PCDHA12: variants seen among roughly 807,000 people sequenced by gnomAD.
PCDHA12 encodes protocadherin alpha-12.
Under a neutral mutation model 60.0 loss-of-function variants are expected in PCDHA12, and 44 were observed. That is an observed-to-expected ratio of 0.73 (90% confidence interval 0.58 to 0.94). The LOEUF (loss-of-function observed/expected upper bound fraction) is 0.94. Among genes scored for constraint, PCDHA12 ranks in the 40% least tolerant of loss-of-function variants. The pLI, the probability that PCDHA12 is intolerant of heterozygous loss-of-function variation, is 0.00. For synonymous variants in PCDHA12, 569 were observed against 553.0 expected, an observed-to-expected ratio of 1.03 and a Z score of -0.40; for missense variants, 1,276 against 1,239.7, an observed-to-expected ratio of 1.03 and a Z score of -0.44.
chr5:141,000,413 A>T (rs1563651324), intron 3 of PCDHA12, among the ~76,000 whole-genome samples: 4 of 93,212 alleles, frequency 4.3e-5, no homozygotes, highest in African/African-American at 1.8e-4. Flanking sequence ...ATATATATAT[A>T]TATATATATT....
intron 1 of PCDHA12, chr5:140,930,064 C>G (rs2153602971): frequency 6.6e-6 from 1 of 152,306 alleles, no homozygotes; most frequent in Non-Finnish European, 1.5e-5. Context: ...TACACAAAAA[C>G]TGTAAGCCTC....
intron 1 of PCDHA12, among the ~76,000 whole-genome samples, chr5:140,932,531 G>A (rs1379233805): frequency 4.6e-5 from 7 of 151,752 alleles, no homozygotes; most frequent in Non-Finnish European, 8.9e-5. Context: ...TGGCATTCAA[G>A]GTGCTTTATT....
At chr5:140,941,210 T>TCTTCCTTTCTTTCTTC (rs2092851427) in intron 1 of PCDHA12, among the ~76,000 whole-genome samples, 1 of 100,630 alleles carries the variant, frequency 9.9e-6, no homozygotes, top group South Asian at 2.9e-4. Context: ...TTCCTTTCTT[T>TCTTCCTTTCTTTCTTC]CTTCCTTTCT....
At position 140,988,717 on chromosome 5, in the gene PCDHA12, T is replaced by C. The variant is rs79402139; in HGVS notation, c.2515+6154T>C. Among the ~76,000 whole-genome samples, 1,208 of 152,334 alleles carry C rather than the reference T, an allele frequency of 7.9e-3. 20 individuals carry two copies. Among genetic ancestry groups the C allele is most frequent in the African/African-American group, 0.027 (1,139 of 41,566 alleles). On this transcript the variant is annotated intron_variant, in intron 3 of 3. Transcript: ENST00000398631. ...CTCTGTATTTTCTTGGACCTCTCATTTGCCCCATAGTAATTATTCTAGGAT... is the reference window on the plus strand; with the variant it reads ...CTCTGTATTTTCTTGGACCTCTCATCTGCCCCATAGTAATTATTCTAGGAT...
chr5:140,875,905 T>C lies in PCDHA12; in HGVS notation c.433T>C (p.Ser145Pro), dbSNP rs1554168057. The C allele has an allele frequency of 2.0e-5, 32 of 1,614,104 alleles. No homozygotes were observed. Among genetic ancestry groups the C allele is most frequent in the Non-Finnish European group, 1.6e-5 (19 of 1,180,032 alleles). The stretch of plus-strand genomic sequence containing the variant: ...GGAACAAAAGGTACCTGTTTCTGAA[T>C]CTGCGCCTCTGGACTCTCATTTTCC... Reference protein sequence around the residue: ...EREQKVPVSESAPLDSHFPLE... With the variant: ...EREQKVPVSEPAPLDSHFPLE... Residue 145 changes from serine (S) to proline (P), a missense_variant, in exon 1 of 4, where the codon TCT (serine) becomes CCT (proline). Transcript: ENST00000398631.
At position 140,940,270 on chromosome 5, in the gene PCDHA12, G is replaced by A. The variant is rs1236320412; in HGVS notation, c.2368-38679G>A. Among the ~76,000 whole-genome samples, 4 of 152,094 alleles carry A rather than the reference G, an allele frequency of 2.6e-5. No homozygotes were observed. In the East Asian group the frequency reaches 7.7e-4, roughly 29 times the overall value. ...TCCTCAATATCTTCTGGGTTCCACT[G>A]TTGTCTCATTGTGCTGCTTCATCAG... On this transcript the variant is annotated intron_variant, in intron 1 of 3. Transcript: ENST00000398631.
chr5:140,921,165 A>G (rs959305878), intron 1 of PCDHA12, among the ~76,000 whole-genome samples: 1 of 151,798 alleles, frequency 6.6e-6, no homozygotes, highest in Admixed American at 6.6e-5. Context: ...TTTTTTTAAC[A>G]CACATAAAGC....
rs537764090 is a variant in PCDHA12 at position 140,925,273 on chromosome 5, AT to A, written c.2367+47438del. Reference sequence around the variant, plus strand: ...ACTTTAATTCTTGATCTGTGTTCAGATTTTGCCTTTCAAATGTTTCATTATT... The same window carrying A: ...ACTTTAATTCTTGATCTGTGTTCAGATTTGCCTTTCAAATGTTTCATTATT... On this transcript the variant is annotated intron_variant, in intron 1 of 3. Transcript: ENST00000398631. Among the ~76,000 whole-genome samples, 1,221 of 152,228 alleles carry A rather than the reference AT, an allele frequency of 8.0e-3. 6 individuals are homozygous for A. Among genetic ancestry groups the A allele is most frequent in the African/African-American group, 0.019 (789 of 41,534 alleles).
At chr5:140,975,068 C>G (rs1273763502) in intron 1 of PCDHA12, among the ~76,000 whole-genome samples, 2 of 152,134 alleles carry the variant, frequency 1.3e-5, no homozygotes, top group Non-Finnish European at 2.9e-5. Context: ...CGAGCTCATT[C>G]AGATTGTTGG....
chr5:140,928,424 C>A, intron 1 of PCDHA12: 1 of 1,614,184 alleles, frequency 6.2e-7, no homozygotes, highest in Non-Finnish European at 8.5e-7. Context: ...ACTGCCAAAA[C>A]TTCCTTTGAC....
rs111233751 is a variant in PCDHA12, at chr5:140,887,119, C to T, written c.2367+9280C>T. On this transcript the variant is annotated intron_variant, in intron 1 of 3. Transcript: ENST00000398631. ...TTTATCTCTTTTTTTTTTTTTGAGA[C>T]GGAGTCTCACTCTGTCGCCCAGGCT... 6.0e-3 allele frequency among the ~76,000 whole-genome samples: 904 copies of T among 149,504 alleles called. 4 individuals are homozygous for T. The highest frequency in any genetic ancestry group is 0.014 in the Middle Eastern group (4 of 294).
At chr5:140,966,839 C>T (rs782091529) in intron 1 of PCDHA12, 14 of 1,567,058 alleles carry the variant, frequency 8.9e-6, no homozygotes, top group Non-Finnish European at 1.1e-5. Flanking sequence ...CTGGCTGCTG[C>T]TACTGCCTCT....
intron 1 of PCDHA12, among the ~76,000 whole-genome samples, chr5:140,951,145 TG>T (rs1554219754): frequency 9.9e-6 from 1 of 100,698 alleles, no homozygotes; most frequent in African/African-American, 4.8e-5. Flanking sequence ...TTTATCTTAT[TG>T]AATATAGTTA....
At chr5:140,928,227 T>G (rs781923359) in intron 1 of PCDHA12, 2 of 1,614,198 alleles carry the variant, frequency 1.2e-6, no homozygotes, top group South Asian at 2.2e-5. Context: ...CACCAAACTT[T>G]CCTCAACCCC....
At chr5:140,927,248 A>G in intron 1 of PCDHA12, 1 of 1,614,064 alleles carries the variant, frequency 6.2e-7, no homozygotes. Flanking sequence ...GACACCAATG[A>G]CAACTCACCT....
chr5:140,975,890 T>C (rs542825387), intron 1 of PCDHA12, among the ~76,000 whole-genome samples: 1 of 152,310 alleles, frequency 6.6e-6, no homozygotes, highest in South Asian at 2.1e-4. Flanking sequence ...TTTCCACATA[T>C]GGAGTTTTGT....
chr5:140,975,202 T>G (rs143285430), intron 1 of PCDHA12, among the ~76,000 whole-genome samples: 4 of 152,352 alleles, frequency 2.6e-5, no homozygotes, highest in African/African-American at 7.2e-5. Flanking sequence ...TCCATCTTCA[T>G]GGCTGGCACT....
chr5:140,895,861 G>C (rs1248344470), intron 1 of PCDHA12, among the ~76,000 whole-genome samples: 2 of 152,184 alleles, frequency 1.3e-5, no homozygotes, highest in African/African-American at 4.8e-5. Context: ...CCCCAGGCTG[G>C]AGTGCAATGG....
intron 3 of PCDHA12, among the ~76,000 whole-genome samples, chr5:140,992,190 A>C (rs1452489619): frequency 1.3e-5 from 2 of 152,134 alleles, no homozygotes; most frequent in African/African-American, 2.4e-5. Flanking sequence ...GCTTTCAGTG[A>C]TCTATCCAAT....
Sources: allele counts gnomAD v4.1 joint callset (sites outside exome capture counted in the v4.1 genomes callset), GRCh38; gene constraint gnomAD v4.1.1; transcripts MANE v1.5; gene names NCBI Gene and HGNC (gene_info 2026-07-23, HGNC 2026-07-21).